P2RX7: variants seen among roughly 807,000 people sequenced by gnomAD.
The protein encoded by P2RX7 is P2X purinoceptor 7.
P2RX7 carries 62 observed loss-of-function variants against 71.6 expected under a neutral mutation model. That is an observed-to-expected ratio of 0.87 (90% CI 0.71 to 1.07). The LOEUF is 1.07. P2RX7 is among the 50% of genes least tolerant of loss of function. The probability of loss-of-function intolerance (pLI) is 0.00; values close to 1 mark genes in which losing one functional copy is unlikely to be tolerated. For missense variants in P2RX7, 686 were observed against 748.5 expected (o/e 0.92, Z 0.97); for synonymous variants, 299 against 283.3 (o/e 1.06, Z -0.56).
chr12:121,171,359 CTTT>C (rs34595094), intron 8 of P2RX7, among the ~76,000 whole-genome samples: 82 of 104,984 alleles, frequency 7.8e-4, no homozygotes, highest in African/African-American at 2.4e-3. Flanking sequence ...TCTTCAATCT[CTTT>C]TTTTTTTTTT....
At chr12:121,179,929 C>T (rs1037030307) in intron 11 of P2RX7, among the ~76,000 whole-genome samples, 1 of 151,990 alleles carries the variant, frequency 6.6e-6, no homozygotes, top group African/African-American at 2.4e-5. Flanking sequence ...GCGGGCGGAT[C>T]AACTGAGGTC....
chr12:121,167,233 G>A (rs536071834), intron 7 of P2RX7, among the ~76,000 whole-genome samples: 88 of 152,140 alleles, frequency 5.8e-4, no homozygotes, highest in Non-Finnish European at 1.1e-3. Context: ...TACAGGAGTG[G>A]TCTGTTGAAA....
At chr12:121,153,022 T>G (rs1175098634) in intron 1 of P2RX7, among the ~76,000 whole-genome samples, 1 of 152,244 alleles carries the variant, frequency 6.6e-6, no homozygotes, top group Non-Finnish European at 1.5e-5. Flanking sequence ...CTTCTTCAAA[T>G]GTACTTGCTA....
intron 1 of P2RX7, among the ~76,000 whole-genome samples, chr12:121,144,286 C>T (rs1771646526): frequency 6.6e-6 from 1 of 152,164 alleles, no homozygotes; most frequent in Admixed American, 6.5e-5. Flanking sequence ...CGACCTCTAC[C>T]TTCCGGATTC....
chr12:121,177,972 C>A (rs1883451294), intron 11 of P2RX7, among the ~76,000 whole-genome samples: 4 of 152,110 alleles, frequency 2.6e-5, no homozygotes, highest in Admixed American at 2.6e-4. Flanking sequence ...ACCCACTCGG[C>A]CTCCCACAGT....
chr12:121,169,718 C>A, intron 8 of P2RX7, among the ~76,000 whole-genome samples: 1 of 152,100 alleles, frequency 6.6e-6, no homozygotes, highest in Non-Finnish European at 1.5e-5. Context: ...CTAGCCTGGG[C>A]AACATAGGGA....
At chr12:121,157,627 A>G (rs1878851398) in intron 3 of P2RX7, among the ~76,000 whole-genome samples, 1 of 152,132 alleles carries the variant, frequency 6.6e-6, no homozygotes, top group South Asian at 2.1e-4. Context: ...CTCCATGTAC[A>G]CATAAAGACA....
Position 121,184,717 on chromosome 12 carries a change from T to A in P2RX7, c.1703T>A (p.Ile568Asn), listed in dbSNP as rs1653624. Residue 568 changes from isoleucine to asparagine, a missense_variant, in exon 13 of 13, where the codon ATC becomes AAC. By Grantham distance (149) the Ile-to-Asn change is moderately radical (BLOSUM62 -3). Transcript: ENST00000328963. Reference protein sequence around the residue: ...FGSQDMADFAILPSCCRWRIR... With the variant: ...FGSQDMADFANLPSCCRWRIR... ...TCCCAGGACATGGCTGACTTTGCCA[T>A]CCTGCCCAGCTGCTGCCGCTGGAGG... 0.021 allele frequency: 33,311 copies of A among 1,562,934 alleles called. 424 individuals are homozygous for A. The highest frequency in any genetic ancestry group is 0.026 in the Non-Finnish European group (29,662 of 1,153,274).
At chr12:121,169,140 A>T (rs1462122060) in intron 8 of P2RX7, among the ~76,000 whole-genome samples, 1 of 151,788 alleles carries the variant, frequency 6.6e-6, no homozygotes, top group African/African-American at 2.4e-5. Flanking sequence ...TAATTTTTAA[A>T]ATTTTTTTGT....
chr12:121,178,960 T>G (rs1458327450), intron 11 of P2RX7, among the ~76,000 whole-genome samples: 2 of 151,868 alleles, frequency 1.3e-5, no homozygotes, highest in African/African-American at 4.8e-5. Flanking sequence ...GCATGTATAT[T>G]CTATATATAC....
chr12:121,177,067 T>A, intron 9 of P2RX7, 80 bp from the exon 10 acceptor site: 1 of 1,271,942 alleles, frequency 7.9e-7, no homozygotes, highest in South Asian at 1.2e-5. Context: ...CGCTCCCTGA[T>A]AGAACCAACA....
rs1884811567 is a variant in P2RX7, at chr12:121,185,616, C to T, written c.*814C>T. 6.6e-6 allele frequency: 1 copy of T among 152,636 alleles called. No individual in the cohort carries two copies. The highest frequency in any genetic ancestry group is 2.4e-5 in the African/African-American group (1 of 41,450). 9.5% of individuals were successfully genotyped at this position (152,636 alleles called of 1,614,324 possible). ...AGACCTAAGGGTTTTATCTCCTCCC[C>T]TTGAATATGGGTGGCTCTGATTGCT... On this transcript the variant is annotated 3_prime_UTR_variant, in exon 13 of 13. Coordinates refer to ENST00000328963, the MANE Select transcript of P2RX7 (RefSeq NM_002562.6).
intron 11 of P2RX7, among the ~76,000 whole-genome samples, chr12:121,179,935 A>C (rs1883834295): frequency 2.0e-5 from 3 of 151,930 alleles, no homozygotes; most frequent in African/African-American, 7.3e-5. Flanking sequence ...GGATCAACTG[A>C]GGTCAGGAGT....
intron 12 of P2RX7, among the ~76,000 whole-genome samples, chr12:121,180,862 G>T (rs1718108): frequency 6.6e-6 from 1 of 151,746 alleles, no homozygotes; most frequent in African/African-American, 2.4e-5. Flanking sequence ...TACTCAGAAG[G>T]CTGAGGCAGG....
intron 2 of P2RX7, 90 bp downstream of exon 2, chr12:121,155,043 C>CAAAAAAAA: frequency 6.4e-7 from 1 of 1,552,886 alleles, no homozygotes; most frequent in African/African-American, 1.4e-5. Context: ...AGCCTCACTC[C>CAAAAAAAA]AGAAAAAACG....
intron 1 of P2RX7, among the ~76,000 whole-genome samples, chr12:121,140,919 C>A (rs1718148): frequency 0.15 from 23,385 of 151,988 alleles, 3,067 homozygotes; most frequent in African/African-American, 0.36. Context: ...AATCCCATCT[C>A]TACTAAAAAT....
intron 1 of P2RX7, among the ~76,000 whole-genome samples, chr12:121,136,023 A>AAAAAAAAAAAAAATAAAAATATATAT: frequency 6.6e-5 from 1 of 15,256 alleles, no homozygotes; most frequent in Non-Finnish European, 1.8e-4. Flanking sequence ...AAAAAAAAAA[A>AAAAAAAAAAAAAATAAAAATATATAT]ATATATATAT....
intron 8 of P2RX7, among the ~76,000 whole-genome samples, chr12:121,172,556 G>A (rs984493381): frequency 7.2e-5 from 11 of 152,152 alleles, no homozygotes; most frequent in East Asian, 1.9e-4. Flanking sequence ...ACTTGAGCCC[G>A]GGAGGCGGAG....
intron 1 of P2RX7, among the ~76,000 whole-genome samples, chr12:121,140,661 T>A (rs1156591414): frequency 2.6e-5 from 4 of 152,126 alleles, no homozygotes; most frequent in Non-Finnish European, 5.9e-5. Context: ...AAGGAGAGGC[T>A]TGAGGACTAA....
Sources: allele counts gnomAD v4.1 joint callset (sites outside exome capture counted in the v4.1 genomes callset), GRCh38; gene constraint gnomAD v4.1.1; transcripts MANE v1.5; gene names NCBI Gene and HGNC (gene_info 2026-07-23, HGNC 2026-07-21).